The following CPLANE2 variants were observed in gnomAD, a reference collection of about 807,000 sequenced individuals.
CPLANE2 encodes ciliogenesis and planar polarity effector complex subunit 2, also known as ciliogenesis and planar polarity effector 2.
In CPLANE2, 24 loss-of-function variants were observed where a neutral mutation model predicts 20.9. The ratio of observed to expected loss-of-function variants is 1.15; its 90% CI spans 0.83 to 1.61. The LOEUF is 1.61. Ranked by LOEUF, CPLANE2 falls within the 40% of genes most tolerant of loss-of-function variation. CPLANE2 has a pLI of 0.00. For synonymous variants in CPLANE2, 132 were observed against 144.3 expected, an observed-to-expected ratio of 0.92 and a Z score of 0.61; for missense variants, 330 against 355.1, an observed-to-expected ratio of 0.93 and a Z score of 0.57.
At position 16,232,845 on chromosome 1, in the gene CPLANE2, C is replaced by T. The variant is rs112125603; in HGVS notation, c.390+48G>A. The T allele has an allele frequency of 4.3e-6, 7 of 1,609,706 alleles. No homozygotes were observed. The African/African-American group carries it at 6.7e-5, about 15-fold the overall frequency. ...GAGCAGTGCCTTGAGCTCATTAATA[C>T]CCAATCGGCCCCTGGCAGAACCCAC... is the stretch of plus-strand genomic sequence containing the variant. On this transcript the variant is annotated intron_variant, in intron 3 of 4. Coordinates refer to ENST00000375599, the MANE Select transcript of CPLANE2 (RefSeq NM_030907.4).
At chr1:16,232,780 G>T in intron 3 of CPLANE2, 113 bp downstream of exon 3, 2 of 1,563,662 alleles carry the variant, frequency 1.3e-6, no homozygotes, top group African/African-American at 2.7e-5. Context: ...CCTAGGACAA[G>T]CATGGGCTGG....
Position 16,233,067 on chromosome 1 carries a change from G to A in CPLANE2, c.266-50C>T, listed in dbSNP as rs777983597. On this transcript the variant is annotated intron_variant, in intron 2 of 4. Coordinates refer to ENST00000375599, the MANE Select transcript of CPLANE2 (RefSeq NM_030907.4). The stretch of plus-strand genomic sequence containing the variant: ...CTCACCATGGGAGAGGTGGAGATGG[G>A]AGGAATAGGGGACCAGGAAGGAATA... 4 of 1,605,924 alleles carry A rather than the reference G, an allele frequency of 2.5e-6. No homozygotes were observed. The South Asian group carries it at 4.4e-5, about 18-fold the overall frequency.
chr1:16,236,768 A>T lies in CPLANE2; in HGVS notation c.-26T>A, dbSNP rs2081468655. The T allele has an allele frequency of 1.3e-5, 20 of 1,501,062 alleles. No individual in the cohort carries two copies. The highest frequency in any genetic ancestry group is 1.7e-5 in the Non-Finnish European group (19 of 1,102,120). 93.0% of individuals were successfully genotyped at this position (1,501,062 alleles called of 1,614,324 possible). A position where few individuals can be genotyped will look rare whatever the true frequency, so the allele number is the denominator to read the frequency against. ...GGCTGGGCACCGCGACGGGGTAGGG[A>T]GGTGACAGAATGCTGAGAGCAGGGA... On this transcript the variant is annotated 5_prime_UTR_variant, in exon 1 of 5. Transcript: ENST00000375599.
At chr1:16,235,807 A>G (rs2081460915) in intron 1 of CPLANE2, among the ~76,000 whole-genome samples, 1 of 151,350 alleles carries the variant, frequency 6.6e-6, no homozygotes, top group Non-Finnish European at 1.5e-5. Flanking sequence ...CAGCCTCCCA[A>G]GTAGCTGGGA....
Position 16,236,264 on chromosome 1 carries a change from T to C in CPLANE2, c.112+367A>G, listed in dbSNP as rs529987489. Among the ~76,000 whole-genome samples the C allele has an allele frequency of 3.3e-5, 5 of 152,344 alleles. No individual in the cohort carries two copies. The East Asian group carries it at 9.6e-4, about 29-fold the overall frequency. ...CTCACCTCTATTTATTGGGGTGTGA[T>C]CTTAGCCAAGTCTGTACCATGTGCT... On this transcript the variant is annotated intron_variant, in intron 1 of 4. Coordinates refer to ENST00000375599, the MANE Select transcript of CPLANE2 (RefSeq NM_030907.4).
At chr1:16,235,853 G>C (rs1310897106) in intron 1 of CPLANE2, among the ~76,000 whole-genome samples, 1 of 151,836 alleles carries the variant, frequency 6.6e-6, no homozygotes, top group South Asian at 2.1e-4. Context: ...GCTAATTTTT[G>C]TATTTTTAGT....
At position 16,232,211 on chromosome 1, in the gene CPLANE2, T is replaced by C. The variant is rs2081425561; in HGVS notation, c.614A>G (p.Lys205Arg). 1.2e-6 allele frequency: 2 copies of C among 1,612,578 alleles called. No individual in the cohort carries two copies. Among genetic ancestry groups the C allele is most frequent in the Non-Finnish European group, 1.7e-6 (2 of 1,179,854 alleles). ...AGCCAGCCGCCGCCCCGGCACACTC[T>C]TCACCCGTAGCAGGGGCAGCTCCCA... The part of the protein sequence containing the change: ...QAWELPLLRV[K>R]SVPGRRLADG... Residue 205 changes from lysine to arginine, a missense_variant, in exon 5 of 5, where the codon AAG becomes AGG. Physicochemically the swap from Lys to Arg is conservative, Grantham distance 26. Coordinates refer to ENST00000375599, the MANE Select transcript of CPLANE2 (RefSeq NM_030907.4).
chr1:16,231,980 G>T lies in CPLANE2; in HGVS notation c.*68C>A, dbSNP rs1214039423. On this transcript the variant is annotated 3_prime_UTR_variant, in exon 5 of 5. Coordinates refer to ENST00000375599, the MANE Select transcript of CPLANE2 (RefSeq NM_030907.4). ...TCCTCCAGATAGGATCCATGTTCCT[G>T]CCCCAGCCTCCAGCCCTATGTCGAG... The T allele has an allele frequency of 2.6e-6, 4 of 1,558,684 alleles. No individual in the cohort carries two copies. The highest frequency in any genetic ancestry group is 3.5e-6 in the Non-Finnish European group (4 of 1,150,344).
chr1:16,234,279 C>G (rs2081447190), intron 1 of CPLANE2, among the ~76,000 whole-genome samples: 1 of 152,076 alleles, frequency 6.6e-6, no homozygotes, highest in South Asian at 2.1e-4. Context: ...TGGTGGGTGC[C>G]TATAATCCCA....
At position 16,231,932 on chromosome 1, in the gene CPLANE2, C is replaced by T. The variant is rs767466101; in HGVS notation, c.*116G>A. Reference sequence around the variant, plus strand: ...GTGGGCCTTCTCTGGCCACATCCTCCCTGATCAGGCCATGCTGGCCAGTCC... The same window carrying T: ...GTGGGCCTTCTCTGGCCACATCCTCTCTGATCAGGCCATGCTGGCCAGTCC... On this transcript the variant is annotated 3_prime_UTR_variant, in exon 5 of 5. Coordinates refer to ENST00000375599, the MANE Select transcript of CPLANE2 (RefSeq NM_030907.4). 782 of 1,438,722 alleles carry T rather than the reference C, an allele frequency of 5.4e-4. 3 individuals carry two copies. The highest frequency in any genetic ancestry group is 4.4e-3 in the Middle Eastern group (24 of 5,488). 89.1% of individuals were successfully genotyped at this position (1,438,722 alleles called of 1,614,324 possible). A position where few individuals can be genotyped will look rare whatever the true frequency, so the allele number is the denominator to read the frequency against.
At position 16,231,926 on chromosome 1, in the gene CPLANE2, A is replaced by T; in HGVS notation, c.*122T>A. 1 of 1,417,800 alleles carries T rather than the reference A, an allele frequency of 7.1e-7. No homozygotes were observed. Among genetic ancestry groups the T allele is most frequent in the East Asian group, 2.3e-5 (1 of 43,366 alleles). 87.8% of individuals were successfully genotyped at this position (1,417,800 alleles called of 1,614,324 possible). On this transcript the variant is annotated 3_prime_UTR_variant, in exon 5 of 5. Coordinates refer to ENST00000375599, the MANE Select transcript of CPLANE2 (RefSeq NM_030907.4). ...TCGCGGGTGGGCCTTCTCTGGCCAC[A>T]TCCTCCCTGATCAGGCCATGCTGGC...
intron 1 of CPLANE2, among the ~76,000 whole-genome samples, chr1:16,236,254 T>C (rs1350909184): frequency 1.3e-5 from 2 of 152,174 alleles, no homozygotes; most frequent in Non-Finnish European, 2.9e-5. Context: ...CTCTATTTAT[T>C]GGGGTGTGAT....
chr1:16,236,654 C>T lies in CPLANE2; in HGVS notation c.89G>A (p.Arg30His), dbSNP rs868709955. 6.4e-7 allele frequency: 1 copy of T among 1,558,808 alleles called. No homozygotes were observed. The highest frequency in any genetic ancestry group is 8.7e-7 in the Non-Finnish European group (1 of 1,150,086). Residue 30 changes from arginine to histidine, a missense_variant, in exon 1 of 5, where the codon CGC becomes CAC. Coordinates refer to ENST00000375599, the MANE Select transcript of CPLANE2 (RefSeq NM_030907.4). ...EGKEYLACIL[R>H]KNRRRVFGLL... ...ACCAAACACCCGCCGGCGGTTCTTGCGCAGAATGCAAGCCAGGTACTCCTT... is the reference window on the plus strand; with the variant it reads ...ACCAAACACCCGCCGGCGGTTCTTGTGCAGAATGCAAGCCAGGTACTCCTT...
chr1:16,232,490 C>G lies in CPLANE2; in HGVS notation c.527+20G>C. 1 of 1,611,690 alleles carries G rather than the reference C, an allele frequency of 6.2e-7. No homozygotes were observed. On this transcript the variant is annotated intron_variant, in intron 4 of 4. Transcript: ENST00000375599. The stretch of plus-strand genomic sequence containing the variant: ...CTGACCCCCTGGCTCCGTGACTTGC[C>G]AAGGATATCCAAAGGATACTTGGAG...
In CPLANE2 at chr1:16,232,583, CA is replaced by C. The variant is rs776481015; in HGVS notation, c.453del (p.Phe151LeufsTer11). The C allele has an allele frequency of 8.1e-6, 13 of 1,614,010 alleles. No homozygotes were observed. On this transcript the variant is annotated frameshift_variant, in exon 4 of 5. Coordinates refer to ENST00000375599, the MANE Select transcript of CPLANE2 (RefSeq NM_030907.4). LOFTEE classifies it high-confidence loss of function. ...FLFSFTDRAS[F>X]EDLPGQLARI... ...CGGGCCAGCTGTCCAGGGAGGTCTT[CA>C]AAGGAGGCACGGTCAGTGAAGGAGA...
chr1:16,234,500 C>A (rs2081449400), intron 1 of CPLANE2, among the ~76,000 whole-genome samples: 1 of 152,174 alleles, frequency 6.6e-6, no homozygotes, highest in African/African-American at 2.4e-5. Flanking sequence ...CCCATCAGAT[C>A]CTGGGCTGGA....
At chr1:16,235,019 C>A (rs921040411) in intron 1 of CPLANE2, among the ~76,000 whole-genome samples, 3 of 152,198 alleles carry the variant, frequency 2.0e-5, no homozygotes, top group African/African-American at 2.4e-5. Context: ...CCACCGTGCC[C>A]GGCCTCATCT....
rs960699013 is a variant in CPLANE2 at position 16,231,913 on chromosome 1, C to A, written c.*135G>T. 4 of 1,337,454 alleles carry A rather than the reference C, an allele frequency of 3.0e-6. No individual in the cohort carries two copies. Among genetic ancestry groups the A allele is most frequent in the Non-Finnish European group, 4.1e-6 (4 of 982,400 alleles). The allele number at this position is 1,337,454 out of a possible 1,614,324, so 82.8% of individuals were successfully genotyped here. On this transcript the variant is annotated 3_prime_UTR_variant, in exon 5 of 5. Coordinates refer to ENST00000375599, the MANE Select transcript of CPLANE2 (RefSeq NM_030907.4). ...AGGAAAGCGCTGCTCGCGGGTGGGC[C>A]TTCTCTGGCCACATCCTCCCTGATC...
chr1:16,232,363 C>A, intron 4 of CPLANE2, 66 bp from the exon 5 acceptor site: 1 of 1,536,326 alleles, frequency 6.5e-7, no homozygotes, highest in Non-Finnish European at 8.8e-7. Context: ...CCTGCCTCTC[C>A]CTCCTCCCTG....
Sources: allele counts gnomAD v4.1 joint callset (sites outside exome capture counted in the v4.1 genomes callset), GRCh38; gene constraint gnomAD v4.1.1; transcripts MANE v1.5; gene names NCBI Gene and HGNC (gene_info 2026-07-23, HGNC 2026-07-21).